The following PEAK1 variants were observed in gnomAD, a reference collection of about 807,000 sequenced individuals.
PEAK1 encodes inactive tyrosine-protein kinase PEAK1.
PEAK1 carries 54 observed loss-of-function variants against 124.7 expected under a neutral mutation model. The observed-to-expected ratio is 0.43, with a 90% CI of 0.35 to 0.54. The LOEUF (loss-of-function observed/expected upper bound fraction) is 0.54, where lower values mean the gene tolerates loss of function less well. Ranked by LOEUF, PEAK1 falls within the 20% of genes least tolerant of loss-of-function variation. The probability of loss-of-function intolerance (pLI) is 0.01; values close to 1 mark genes in which losing one functional copy is unlikely to be tolerated. For synonymous variants in PEAK1, 719 were observed against 760.0 expected (o/e 0.95, Z 0.89); for missense variants, 2,046 against 2,134.5 (o/e 0.96, Z 0.82).
At chr15:77,267,944 CAAGA>C (rs2061825939) in intron 5 of PEAK1, among the ~76,000 whole-genome samples, 1 of 151,412 alleles carries the variant, frequency 6.6e-6, no homozygotes, top group African/African-American at 2.4e-5. Context: ...AGGTGAAGTC[CAAGA>C]AATAAAAAAA....
intron 7 of PEAK1, among the ~76,000 whole-genome samples, chr15:77,174,004 A>C (rs912716895): frequency 3.3e-5 from 5 of 152,216 alleles, no homozygotes; most frequent in African/African-American, 1.2e-4. Flanking sequence ...TGAAATTTTC[A>C]AATTACTTCT....
intron 8 of PEAK1, among the ~76,000 whole-genome samples, chr15:77,153,780 T>C (rs1168440304): frequency 6.6e-6 from 1 of 152,206 alleles, no homozygotes; most frequent in African/African-American, 2.4e-5. Context: ...TCAGTTTCCA[T>C]GCAGTTGAGC....
rs1380796276 is a variant in PEAK1 at position 77,108,771 on chromosome 15, AT to A, written c.*5384del. 3.3e-5 allele frequency: 5 copies of A among 152,170 alleles called. No homozygotes were observed. The highest frequency in any genetic ancestry group is 9.7e-5 in the African/African-American group (4 of 41,418). 9.4% of individuals were successfully genotyped at this position (152,170 alleles called of 1,614,324 possible). A position where few individuals can be genotyped will look rare whatever the true frequency, so the allele number is the denominator to read the frequency against. On this transcript the variant is annotated 3_prime_UTR_variant, in exon 10 of 10. Coordinates refer to ENST00000682557, the MANE Select transcript of PEAK1 (RefSeq NM_001385026.1). Reference sequence around the variant, plus strand: ...GTTAAAAAATGTCCGACCTCTTTTGATTCCCTGAAACTTTCTTGATTTAAAA... The same window carrying A: ...GTTAAAAAATGTCCGACCTCTTTTGATCCCTGAAACTTTCTTGATTTAAAA...
chr15:77,302,430 C>T (rs2063835512), intron 2 of PEAK1, among the ~76,000 whole-genome samples: 1 of 152,300 alleles, frequency 6.6e-6, no homozygotes, highest in Non-Finnish European at 1.5e-5. Context: ...CTGTAACCAA[C>T]ACTACAACAG....
At chr15:77,284,557 T>C (rs2062825476) in intron 4 of PEAK1, among the ~76,000 whole-genome samples, 2 of 152,128 alleles carry the variant, frequency 1.3e-5, no homozygotes, top group Non-Finnish European at 2.9e-5. Context: ...GAATTTAAAA[T>C]CTCTCTTCAC....
At chr15:77,269,634 C>T (rs2061927067) in intron 5 of PEAK1, among the ~76,000 whole-genome samples, 1 of 152,074 alleles carries the variant, frequency 6.6e-6, no homozygotes, top group Non-Finnish European at 1.5e-5. Flanking sequence ...AACAAAGAAA[C>T]AATGGGCTTA....
At chr15:77,338,899 C>T (rs2066364180) in intron 2 of PEAK1, among the ~76,000 whole-genome samples, 1 of 151,658 alleles carries the variant, frequency 6.6e-6, no homozygotes. Context: ...AAATGTTTTT[C>T]CTTATAGTAA....
intron 2 of PEAK1, among the ~76,000 whole-genome samples, chr15:77,356,308 AT>A (rs1346648326): frequency 1.3e-5 from 2 of 152,206 alleles, no homozygotes; most frequent in Non-Finnish European, 2.9e-5. Context: ...AAAGATCACA[AT>A]AGATACTACT....
chr15:77,349,441 G>A (rs2067077414), intron 2 of PEAK1: 1 of 981,764 alleles, frequency 1.0e-6, no homozygotes, highest in Admixed American at 6.2e-5. Context: ...TTCATAATAG[G>A]AGCAAATTAA....
intron 8 of PEAK1, chr15:77,157,022 T>A (rs1596389558): frequency 6.6e-6 from 1 of 152,212 alleles, no homozygotes; most frequent in East Asian, 1.9e-4. Context: ...ATGGAAGTCT[T>A]CTTCTTACAC....
At chr15:77,188,739 A>T (rs182416731) in intron 6 of PEAK1, among the ~76,000 whole-genome samples, 404 of 152,228 alleles carry the variant, frequency 2.7e-3, no homozygotes, top group Non-Finnish European at 4.8e-3. Context: ...ATTATACCAC[A>T]TTGTTTTGTA....
chr15:77,412,607 C>T (rs368736475), intron 1 of PEAK1, among the ~76,000 whole-genome samples: 10 of 152,176 alleles, frequency 6.6e-5, no homozygotes, highest in South Asian at 6.2e-4. Flanking sequence ...TACATGGATA[C>T]GTGGATTAGT....
At chr15:77,204,404 C>T (rs1044375052) in intron 6 of PEAK1, among the ~76,000 whole-genome samples, 1 of 152,114 alleles carries the variant, frequency 6.6e-6, no homozygotes, top group Non-Finnish European at 1.5e-5. Context: ...TGGCATTTAC[C>T]CAAAAGAGCT....
At chr15:77,173,216 C>T (rs2056629004) in intron 7 of PEAK1, among the ~76,000 whole-genome samples, 1 of 152,168 alleles carries the variant, frequency 6.6e-6, no homozygotes, top group African/African-American at 2.4e-5. Flanking sequence ...ATGAAAAAGA[C>T]AAGTGTCTTT....
chr15:77,306,327 A>T (rs2064101858), intron 2 of PEAK1, among the ~76,000 whole-genome samples: 1 of 152,206 alleles, frequency 6.6e-6, no homozygotes, highest in Non-Finnish European at 1.5e-5. Context: ...TTTGGACATA[A>T]CTATGGAAAT....
intron 9 of PEAK1, among the ~76,000 whole-genome samples, chr15:77,121,953 C>G (rs1274401094): frequency 6.6e-6 from 1 of 152,166 alleles, no homozygotes; most frequent in African/African-American, 2.4e-5. Context: ...GAATGAAACC[C>G]TGCAACTTCT....
intron 9 of PEAK1, among the ~76,000 whole-genome samples, chr15:77,127,093 C>T (rs2052439736): frequency 6.6e-6 from 1 of 152,080 alleles, no homozygotes; most frequent in African/African-American, 2.4e-5. Flanking sequence ...GGATTAGTGT[C>T]CTTCTAAGAA....
At chr15:77,229,351 C>T (rs2059807921) in intron 6 of PEAK1, among the ~76,000 whole-genome samples, 1 of 152,134 alleles carries the variant, frequency 6.6e-6, no homozygotes, top group African/African-American at 2.4e-5. Context: ...GTTTCCAATA[C>T]ATTCAACTGT....
intron 1 of PEAK1, chr15:77,418,690 C>T (rs1567379750): frequency 1.0e-6 from 1 of 985,376 alleles, no homozygotes; most frequent in East Asian, 1.1e-4. Flanking sequence ...ACGAGAGAAG[C>T]CATCATGAAG....
Sources: allele counts gnomAD v4.1 joint callset (sites outside exome capture counted in the v4.1 genomes callset), GRCh38; gene constraint gnomAD v4.1.1; transcripts MANE v1.5; gene names NCBI Gene and HGNC (gene_info 2026-07-23, HGNC 2026-07-21).